MYO3A: variants seen among roughly 807,000 people sequenced by gnomAD.
MYO3A encodes the protein myosin IIIA, also known as myosin-IIIa.
Under a neutral mutation model 192.7 loss-of-function variants are expected in MYO3A, and 180 were observed. That is an observed-to-expected ratio of 0.93 (90% CI 0.83 to 1.06). The LOEUF (loss-of-function observed/expected upper bound fraction) is 1.06, where lower values mean the gene tolerates loss of function less well. Ranked by LOEUF, MYO3A falls within the 50% of genes least tolerant of loss-of-function variation. The pLI, the probability that MYO3A is intolerant of heterozygous loss-of-function variation, is 0.00. For missense variants in MYO3A, 1,896 were observed against 1,905.0 expected, an observed-to-expected ratio of 1.00 and a Z score of 0.09; for synonymous variants, 628 against 645.3, an observed-to-expected ratio of 0.97 and a Z score of 0.41.
chr10:26,060,102 A>G (rs748332891), intron 10 of MYO3A, among the ~76,000 whole-genome samples: 1 of 152,088 alleles, frequency 6.6e-6, no homozygotes, highest in Non-Finnish European at 1.5e-5. Context: ...TACTAAAAAT[A>G]CAAAAAATTA....
Position 25,989,651 on chromosome 10 carries a change from A to C in MYO3A, c.304-6839A>C, listed in dbSNP as rs566261265. On this transcript the variant is annotated intron_variant, in intron 4 of 34. Coordinates refer to ENST00000642920, the MANE Select transcript of MYO3A (RefSeq NM_017433.5). The stretch of plus-strand genomic sequence containing the variant: ...TTAGAAATGTGCCTGGCACAAAGTA[A>C]GTATGCAATTCATCTTAACTATTAT... Among the ~76,000 whole-genome samples, 35 of 151,984 alleles carry C rather than the reference A, an allele frequency of 2.3e-4. 1 individual carries two copies. The South Asian group carries it at 7.2e-3, about 31-fold the overall frequency.
chr10:25,937,600 T>TA (rs769079427), intron 2 of MYO3A, among the ~76,000 whole-genome samples: 4 of 152,202 alleles, frequency 2.6e-5, no homozygotes, highest in Non-Finnish European at 5.9e-5. Context: ...TCTGGTGACT[T>TA]AAAGTTTTTT....
intron 4 of MYO3A, among the ~76,000 whole-genome samples, chr10:25,973,978 C>T (rs147306274): frequency 2.7e-4 from 41 of 152,176 alleles, no homozygotes; most frequent in African/African-American, 7.5e-4. Context: ...AACCAAAAAC[C>T]GTAAAAACCC....
chr10:25,969,173 C>G (rs746100568), intron 4 of MYO3A, among the ~76,000 whole-genome samples: 38 of 152,172 alleles, frequency 2.5e-4, no homozygotes, highest in Non-Finnish European at 5.0e-4. Context: ...GCGGAACTTG[C>G]AGTGAGCCGA....
rs551349009 is a variant in MYO3A, at chr10:26,091,102, T to G, written c.1562+2697T>G. 5.9e-5 allele frequency among the ~76,000 whole-genome samples: 9 copies of G among 152,296 alleles called. No homozygotes were observed. In the East Asian group the frequency reaches 1.4e-3, roughly 23 times the overall value. On this transcript the variant is annotated intron_variant, in intron 15 of 34. Transcript: ENST00000642920. ...CCAGAGAGCAAGGGAGCCCAAGAAT[T>G]GCAGGCTGTAGGGATTGGCCCTTGG...
At chr10:26,132,199 C>T (rs1021789565) in intron 20 of MYO3A, among the ~76,000 whole-genome samples, 6 of 152,110 alleles carry the variant, frequency 3.9e-5, no homozygotes, top group East Asian at 1.9e-4. Context: ...TTTCTTCCGT[C>T]GGAAAGGGAG....
intron 14 of MYO3A, among the ~76,000 whole-genome samples, chr10:26,081,276 A>G (rs1375239211): frequency 6.6e-6 from 1 of 151,766 alleles, no homozygotes; most frequent in Non-Finnish European, 1.5e-5. Context: ...TTCCCAGGTC[A>G]CTGGAGTTGT....
chr10:26,092,190 G>A (rs1027928029), intron 15 of MYO3A, among the ~76,000 whole-genome samples: 2 of 152,168 alleles, frequency 1.3e-5, no homozygotes, highest in East Asian at 1.9e-4. Context: ...AGCTTCGGCC[G>A]GGTGCGGTGG....
intron 29 of MYO3A, among the ~76,000 whole-genome samples, chr10:26,171,314 C>T (rs1263790726): frequency 1.3e-5 from 2 of 152,086 alleles, no homozygotes; most frequent in African/African-American, 4.8e-5. Context: ...TTTTTAACAT[C>T]AAGTCTGGCC....
At chr10:26,114,714 A>G (rs1013291525) in intron 17 of MYO3A, among the ~76,000 whole-genome samples, 1 of 152,238 alleles carries the variant, frequency 6.6e-6, no homozygotes, top group Admixed American at 6.5e-5. Context: ...AAAAGAAAAC[A>G]GTTTGACAAG....
chr10:25,960,653 G>A (rs1223173238), intron 4 of MYO3A, among the ~76,000 whole-genome samples: 1 of 152,174 alleles, frequency 6.6e-6, no homozygotes, highest in African/African-American at 2.4e-5. Flanking sequence ...TTAAGTGGAA[G>A]TGGATCATCA....
chr10:26,144,827 T>A (rs1203709545), intron 21 of MYO3A, among the ~76,000 whole-genome samples: 1 of 152,032 alleles, frequency 6.6e-6, no homozygotes, highest in Non-Finnish European at 1.5e-5. Flanking sequence ...AATTCTTGGA[T>A]CCCACCCCAA....
intron 31 of MYO3A, among the ~76,000 whole-genome samples, chr10:26,183,391 C>T (rs891965849): frequency 2.6e-5 from 4 of 152,022 alleles, no homozygotes; most frequent in East Asian, 1.9e-4. Flanking sequence ...GGCTTGGTGG[C>T]GGGCGCCTAT....
intron 29 of MYO3A, among the ~76,000 whole-genome samples, chr10:26,171,969 A>G (rs1221835508): frequency 6.6e-6 from 1 of 152,218 alleles, no homozygotes; most frequent in African/African-American, 2.4e-5. Flanking sequence ...TCTACTGCAC[A>G]CAAGATCCAC....
At chr10:25,966,077 G>A (rs1838247883) in intron 4 of MYO3A, among the ~76,000 whole-genome samples, 1 of 151,506 alleles carries the variant, frequency 6.6e-6, no homozygotes, top group South Asian at 2.1e-4. Flanking sequence ...TGTGTACATA[G>A]TTATTAACTT....
rs188273887 is a variant in MYO3A at position 26,205,066 on chromosome 10, G to A, written c.4730+1959G>A. ...TACACACACCAAGTATTGGCATTGC[G>A]CGAGAGGGTGTAAGTCTGGGAGTAA... On this transcript the variant is annotated intron_variant, in intron 34 of 34. Coordinates refer to ENST00000642920, the MANE Select transcript of MYO3A (RefSeq NM_017433.5). Among the ~76,000 whole-genome samples the A allele has an allele frequency of 1.1e-4, 17 of 152,300 alleles. No homozygotes were observed. The South Asian group carries it at 1.2e-3, about 11-fold the overall frequency.
chr10:26,055,428 A>G (rs1210651578), intron 10 of MYO3A, among the ~76,000 whole-genome samples: 1 of 151,984 alleles, frequency 6.6e-6, no homozygotes, highest in Non-Finnish European at 1.5e-5. Flanking sequence ...AATACAGAAA[A>G]TATCAGCTTA....
intron 10 of MYO3A, among the ~76,000 whole-genome samples, chr10:26,041,683 TAAACAAAC>T (rs137958567): frequency 1.3e-5 from 2 of 151,924 alleles, no homozygotes; most frequent in African/African-American, 2.4e-5. Context: ...AATGTTTGCA[TAAACAAAC>T]AAACAAACAA....
At position 25,997,237 on chromosome 10, in the gene MYO3A, G is replaced by A. The variant is rs148923237; in HGVS notation, c.487G>A (p.Gly163Arg). 2.2e-5 allele frequency: 35 copies of A among 1,612,698 alleles called. No homozygotes were observed. In the African/African-American group the frequency reaches 3.7e-4, roughly 17 times the overall value. ...TAACATTCTATTGACCACGGAAGGT[G>A]GAGTGAAACTAGTAGATTTTGGTAA... ...GNNILLTTEGGVKLVDFGVSA... is the reference protein window; with the variant it reads ...GNNILLTTEGRVKLVDFGVSA... Residue 163 changes from glycine to arginine, a missense_variant, in exon 6 of 35, where the codon GGA becomes AGA. Gly to Arg is a moderately radical substitution (Grantham distance 125). Coordinates refer to ENST00000642920, the MANE Select transcript of MYO3A (RefSeq NM_017433.5).
Sources: allele counts gnomAD v4.1 joint callset (sites outside exome capture counted in the v4.1 genomes callset), GRCh38; gene constraint gnomAD v4.1.1; transcripts MANE v1.5; gene names NCBI Gene and HGNC (gene_info 2026-07-23, HGNC 2026-07-21).